The following RPS29 variants were observed in gnomAD, a reference collection of about 807,000 sequenced individuals.
RPS29 encodes the protein ribosomal protein S29, also known as small ribosomal subunit protein uS14.
For synonymous variants in RPS29, 37 were observed against 26.9 expected, an observed-to-expected ratio of 1.37 and a Z score of -1.16; for missense variants, 60 against 75.7, an observed-to-expected ratio of 0.79 and a Z score of 0.77.
intron 1 of RPS29, 70 bp from the exon 2 acceptor site, chr14:49,586,119 C>A: frequency 2.1e-6 from 3 of 1,462,894 alleles, no homozygotes; most frequent in South Asian, 2.3e-5. Context: ...ACGGCTACTA[C>A]CCGCATCCCG....
chr14:49,586,525 T>C (rs1594574477), upstream of RPS29: 26 of 630,058 alleles, frequency 4.1e-5, no homozygotes, highest in East Asian at 7.2e-4. Context: ...GCTGGCCCAG[T>C]TGATGACGTC....
rs1881533258 is a variant in RPS29 at position 49,585,977 on chromosome 14, C to G, written c.135G>C (p.Gln45His). Residue 45 changes from glutamine to histidine, a missense_variant, in exon 2 of 3, where the codon CAG becomes CAC. By Grantham distance (24) the Gln-to-His change is conservative (BLOSUM62 0). Coordinates refer to ENST00000245458, the MANE Select transcript of RPS29 (RefSeq NM_001032.5). The part of the protein sequence containing the change: ...GLNMCRQCFR[Q>H]YAKDIGFIKL... Reference sequence around the variant, plus strand: ...TAATGAAACCGATATCCTTCGCGTACTGACGGAAACACTGGCGGCACATAT... The same window carrying G: ...TAATGAAACCGATATCCTTCGCGTAGTGACGGAAACACTGGCGGCACATAT... 1 of 1,613,922 alleles carries G rather than the reference C, an allele frequency of 6.2e-7. No homozygotes were observed. Among genetic ancestry groups the G allele is most frequent in the Non-Finnish European group, 8.5e-7 (1 of 1,179,814 alleles).
intron 1 of RPS29, among the ~76,000 whole-genome samples, chr14:49,593,862 A>G (rs1881767234): frequency 6.6e-6 from 1 of 152,114 alleles, no homozygotes; most frequent in Non-Finnish European, 1.5e-5. Flanking sequence ...AAAGGGAGCA[A>G]GAGACAAGCC....
chr14:49,585,019 TAAC>T (rs1350982133), intron 2 of RPS29, among the ~76,000 whole-genome samples: 1 of 152,174 alleles, frequency 6.6e-6, no homozygotes, highest in Non-Finnish European at 1.5e-5. Flanking sequence ...TGCTGAATCT[TAAC>T]AATGTCTTTC....
At chr14:49,587,632 C>T (rs1881618548), upstream of RPS29, among the ~76,000 whole-genome samples, 1 of 152,204 alleles carries the variant, frequency 6.6e-6, no homozygotes, top group South Asian at 2.1e-4. Context: ...TAACTTGCTC[C>T]TTGCCCTCAA....
At chr14:49,580,309 T>C (rs1042490052), downstream of RPS29, among the ~76,000 whole-genome samples, 2 of 152,212 alleles carry the variant, frequency 1.3e-5, no homozygotes, top group African/African-American at 4.8e-5. Flanking sequence ...CTATCTGCAA[T>C]ACCAGCTCAT....
upstream of RPS29, among the ~76,000 whole-genome samples, chr14:49,589,960 T>C (rs1881676745): frequency 6.6e-6 from 1 of 152,206 alleles, no homozygotes; most frequent in Admixed American, 6.5e-5. Flanking sequence ...AAACACCACG[T>C]TCTCACTTAT....
chr14:49,597,154 T>G (rs1239420463), intron 1 of RPS29, among the ~76,000 whole-genome samples: 2 of 152,162 alleles, frequency 1.3e-5, no homozygotes, highest in African/African-American at 4.8e-5. Context: ...CCTCAGGCGA[T>G]TCTCCCGCCT....
chr14:49,584,748 G>A (rs1881460632), intron 2 of RPS29, among the ~76,000 whole-genome samples: 1 of 150,112 alleles, frequency 6.7e-6, no homozygotes, highest in South Asian at 2.1e-4. Flanking sequence ...GGAAACAGAG[G>A]GAGACCCAAT....
upstream of RPS29, among the ~76,000 whole-genome samples, chr14:49,590,976 C>T (rs537497107): frequency 4.4e-4 from 67 of 152,258 alleles, no homozygotes; most frequent in African/African-American, 1.5e-3. Flanking sequence ...AGGCATCAGC[C>T]ACCACGCCCA....
At chr14:49,576,581 C>A (rs574566247) in exon 3 of RPS29, 1 of 152,176 alleles carries the variant, frequency 6.6e-6, no homozygotes, top group South Asian at 2.1e-4. Flanking sequence ...TGCAAGCAGG[C>A]TGCTTTAAAA....
downstream of RPS29, among the ~76,000 whole-genome samples, chr14:49,579,901 G>A (rs899550996): frequency 1.3e-5 from 2 of 152,098 alleles, no homozygotes; most frequent in Non-Finnish European, 2.9e-5. Context: ...GAGACCTTGG[G>A]GAAATTACTT....
chr14:49,582,036 T>G (rs1457265529), downstream of RPS29, among the ~76,000 whole-genome samples: 1 of 119,466 alleles, frequency 8.4e-6, no homozygotes, highest in Non-Finnish European at 1.7e-5. Context: ...AAAAAAAAAC[T>G]TAGTGACTAT....
intron 1 of RPS29, among the ~76,000 whole-genome samples, chr14:49,595,784 G>T (rs568790847): frequency 3.9e-5 from 6 of 152,032 alleles, no homozygotes; most frequent in African/African-American, 1.4e-4. Context: ...AGGCTGGGGC[G>T]GGTGGATCAC....
downstream of RPS29, among the ~76,000 whole-genome samples, chr14:49,580,365 A>G (rs2139505759): frequency 6.6e-6 from 1 of 152,200 alleles, no homozygotes; most frequent in Non-Finnish European, 1.5e-5. Flanking sequence ...TCATCTCCCA[A>G]TATTCTTCCC....
At chr14:49,577,714 A>G (rs1183297666) in exon 3 of RPS29, 9 of 936,496 alleles carry the variant, frequency 9.6e-6, no homozygotes, top group African/African-American at 3.3e-5. Flanking sequence ...TAATTTTGAC[A>G]TATCAGTCTG....
At chr14:49,583,927 A>C (rs767099851) in intron 2 of RPS29, among the ~76,000 whole-genome samples, 1 of 152,246 alleles carries the variant, frequency 6.6e-6, no homozygotes, top group Non-Finnish European at 1.5e-5. Flanking sequence ...AAACACTAGT[A>C]AATGATCTTT....
exon 3 of RPS29, chr14:49,573,072 GAAA>G (rs35716674): frequency 0.19 from 24,940 of 132,692 alleles, 2,397 homozygotes; most frequent in Admixed American, 0.29. Context: ...TGTCTCCAAA[GAAA>G]AAAAAGAAGA....
downstream of RPS29, among the ~76,000 whole-genome samples, chr14:49,582,285 G>T (rs1881363251): frequency 6.6e-6 from 1 of 152,078 alleles, no homozygotes; most frequent in Non-Finnish European, 1.5e-5. Context: ...TTTCCAAATG[G>T]ATTCTCATCT....
Sources: gnomAD v4.1 joint callset for allele counts (sites outside exome capture counted in the v4.1 genomes callset) on GRCh38, gnomAD v4.1.1 for gene constraint, MANE v1.5 for transcripts, NCBI Gene and HGNC (gene_info 2026-07-23, HGNC 2026-07-21) for gene names.